MATCAP2: variants seen among roughly 807,000 people sequenced by gnomAD.
MATCAP2 encodes the protein putative tyrosine carboxypeptidase MATCAP2.
At chr7:36,341,090 A>C in the MATCAP2 span, among the ~76,000 whole-genome samples, 1 of 152,218 alleles carries the variant, frequency 6.6e-6, no homozygotes, top group Non-Finnish European at 1.5e-5. Context: ...GATCAGAAGT[A>C]AAAAGTTATT....
chr7:36,363,610 T>C, the MATCAP2 span, among the ~76,000 whole-genome samples: 4 of 152,216 alleles, frequency 2.6e-5, no homozygotes, highest in Admixed American at 2.0e-4. Context: ...ACAGTCACTA[T>C]AATAGTGAGC....
chr7:36,388,012 C>T, the MATCAP2 span, among the ~76,000 whole-genome samples: 6 of 152,268 alleles, frequency 3.9e-5, no homozygotes, highest in African/African-American at 1.4e-4. Context: ...CCATATACTA[C>T]ACACTCGGAC....
the MATCAP2 span, among the ~76,000 whole-genome samples, chr7:36,384,125 C>A: frequency 3.9e-5 from 6 of 151,910 alleles, no homozygotes; most frequent in African/African-American, 1.4e-4. Flanking sequence ...TTGTTGCAGT[C>A]CCTGCTTTCA....
chr7:36,383,501 G>A, the MATCAP2 span, among the ~76,000 whole-genome samples: 6 of 152,192 alleles, frequency 3.9e-5, no homozygotes, highest in East Asian at 5.8e-4. Flanking sequence ...GGATGAGTTC[G>A]TGTCCTTTGC....
At chr7:36,388,290 C>T in the MATCAP2 span, among the ~76,000 whole-genome samples, 1 of 148,812 alleles carries the variant, frequency 6.7e-6, no homozygotes, top group Non-Finnish European at 1.5e-5. Context: ...CATGACTCCC[C>T]ACAAAGGTTA....
the MATCAP2 span, among the ~76,000 whole-genome samples, chr7:36,343,970 C>A: frequency 4.6e-5 from 7 of 152,110 alleles, no homozygotes; most frequent in African/African-American, 1.7e-4. Flanking sequence ...CCTGGAGACA[C>A]GGTTCAGGGA....
the MATCAP2 span, chr7:36,325,328 G>C: frequency 1.3e-5 from 2 of 152,182 alleles, no homozygotes; most frequent in South Asian, 4.1e-4. Flanking sequence ...TCATGGTTTT[G>C]CAAGAACCTT....
At chr7:36,352,250 A>G in the MATCAP2 span, among the ~76,000 whole-genome samples, 1 of 151,732 alleles carries the variant, frequency 6.6e-6, no homozygotes. Flanking sequence ...ACAAAAAAAT[A>G]GCCGGGCATG....
chr7:36,366,057 C>G, the MATCAP2 span, among the ~76,000 whole-genome samples: 1 of 152,170 alleles, frequency 6.6e-6, no homozygotes, highest in East Asian at 1.9e-4. Context: ...AGAATGCTCA[C>G]AGAAAAATAG....
At chr7:36,389,369 T>G in the MATCAP2 span, among the ~76,000 whole-genome samples, 9 of 151,466 alleles carry the variant, frequency 5.9e-5, no homozygotes, top group Non-Finnish European at 4.4e-5. Flanking sequence ...TAATCCTTTT[T>G]TTTTCTTTTT....
the MATCAP2 span, among the ~76,000 whole-genome samples, chr7:36,386,439 A>ATGTGTG: frequency 3.2e-5 from 4 of 124,294 alleles, no homozygotes; most frequent in East Asian, 2.5e-4. Flanking sequence ...GTGTATGTGT[A>ATGTGTG]TGTGTGTATG....
At chr7:36,360,875 C>T in the MATCAP2 span, among the ~76,000 whole-genome samples, 2 of 152,038 alleles carry the variant, frequency 1.3e-5, no homozygotes, top group East Asian at 1.9e-4. Flanking sequence ...AAGTGTAACT[C>T]GTGTTTTCCC....
chr7:36,363,479 A>G, the MATCAP2 span, among the ~76,000 whole-genome samples: 1 of 152,246 alleles, frequency 6.6e-6, no homozygotes, highest in African/African-American at 2.4e-5. Flanking sequence ...CCAGGTAAAA[A>G]TTATTACATA....
chr7:36,359,493 C>T, the MATCAP2 span, among the ~76,000 whole-genome samples: 1 of 152,176 alleles, frequency 6.6e-6, no homozygotes, highest in Non-Finnish European at 1.5e-5. Flanking sequence ...CTTTTACTTA[C>T]ATTTTCTAGG....
chr7:36,362,942 G>C, the MATCAP2 span, among the ~76,000 whole-genome samples: 147,420 of 152,300 alleles, frequency 0.97, 71,535 homozygotes, highest in East Asian at 1. Flanking sequence ...GACAGACTTC[G>C]TCAACAATGA....
the MATCAP2 span, among the ~76,000 whole-genome samples, chr7:36,350,532 CTTTTTTTTTTT>C: frequency 8.5e-6 from 1 of 117,686 alleles, no homozygotes; most frequent in Non-Finnish European, 1.8e-5. Flanking sequence ...GACTGTGTTC[CTTTTTTTTTTT>C]TTTTTTTTTG....
the MATCAP2 span, among the ~76,000 whole-genome samples, chr7:36,357,881 T>C: frequency 6.4e-3 from 969 of 152,286 alleles, 5 homozygotes; most frequent in Middle Eastern, 0.017. Flanking sequence ...ACATAAATAA[T>C]CTGAATACTT....
chr7:36,340,617 TTTC>T, the MATCAP2 span, among the ~76,000 whole-genome samples: 2 of 152,218 alleles, frequency 1.3e-5, no homozygotes, highest in Non-Finnish European at 2.9e-5. Context: ...TCTTGATTCT[TTTC>T]TTCATCAGTT....
the MATCAP2 span, among the ~76,000 whole-genome samples, chr7:36,387,471 A>C: frequency 6.6e-6 from 1 of 152,316 alleles, no homozygotes; most frequent in East Asian, 1.9e-4. Context: ...TAAAAAGATA[A>C]AAGTCATTCT....
Sources: allele counts gnomAD v4.1 joint callset (sites outside exome capture counted in the v4.1 genomes callset), GRCh38; gene constraint gnomAD v4.1.1; transcripts MANE v1.5; gene names NCBI Gene and HGNC (gene_info 2026-07-23, HGNC 2026-07-21).